Variants in MPPED1 observed in about 807,000 individuals in gnomAD.
The protein encoded by MPPED1 is metallophosphoesterase domain containing 1, also known as metallophosphoesterase domain-containing protein 1.
In MPPED1, 16 loss-of-function variants were observed where a neutral mutation model predicts 36.2. The observed-to-expected ratio is 0.44, with a 90% CI of 0.30 to 0.67. The LOEUF is 0.67. Among genes scored for constraint, MPPED1 ranks in the 30% least tolerant of loss-of-function variants. MPPED1 has a pLI of 0.10. For missense variants in MPPED1, 307 were observed against 453.4 expected, an observed-to-expected ratio of 0.68 and a Z score of 2.93; for synonymous variants, 199 against 191.3, an observed-to-expected ratio of 1.04 and a Z score of -0.33.
At chr22:43,430,549 G>C (rs1456361635) in intron 2 of MPPED1, among the ~76,000 whole-genome samples, 1 of 152,198 alleles carries the variant, frequency 6.6e-6, no homozygotes, top group African/African-American at 2.4e-5. Flanking sequence ...CTGCTGCCAG[G>C]AATCCCATGG....
At chr22:43,464,577 C>T (rs1931096211) in intron 3 of MPPED1, among the ~76,000 whole-genome samples, 1 of 152,074 alleles carries the variant, frequency 6.6e-6, no homozygotes, top group Non-Finnish European at 1.5e-5. Context: ...TAGTGCTCCC[C>T]ACTTTTGTGG....
At chr22:43,421,080 G>A (rs1163163665) in intron 1 of MPPED1, among the ~76,000 whole-genome samples, 4 of 152,212 alleles carry the variant, frequency 2.6e-5, no homozygotes, top group Non-Finnish European at 5.9e-5. Flanking sequence ...GAGCCCAGGC[G>A]GTCTCCCTGC....
At chr22:43,496,370 G>A (rs1932359763) in intron 4 of MPPED1, among the ~76,000 whole-genome samples, 1 of 87,584 alleles carries the variant, frequency 1.1e-5, no homozygotes, top group South Asian at 4.0e-4. Context: ...GGTGGTGGTG[G>A]TGGAGGTAGT....
At chr22:43,483,137 C>T (rs1304920491) in intron 4 of MPPED1, among the ~76,000 whole-genome samples, 1 of 152,220 alleles carries the variant, frequency 6.6e-6, no homozygotes, top group Non-Finnish European at 1.5e-5. Flanking sequence ...GGAGGCCCCA[C>T]CTGGTGTGCA....
At chr22:43,487,384 G>A (rs923245436) in intron 4 of MPPED1, among the ~76,000 whole-genome samples, 1 of 152,206 alleles carries the variant, frequency 6.6e-6, no homozygotes, top group Non-Finnish European at 1.5e-5. Context: ...GATGGTTAAG[G>A]TTGACATGGG....
intron 4 of MPPED1, among the ~76,000 whole-genome samples, chr22:43,497,933 A>ATG (rs1354576050): frequency 2.2e-4 from 23 of 106,912 alleles, no homozygotes; most frequent in African/African-American, 6.7e-4. Flanking sequence ...ATATATGTAT[A>ATG]TGTATATATA....
intron 1 of MPPED1, among the ~76,000 whole-genome samples, chr22:43,413,182 G>A (rs1928965710): frequency 6.6e-6 from 1 of 152,162 alleles, no homozygotes; most frequent in African/African-American, 2.4e-5. Flanking sequence ...CTATTGAATG[G>A]CCCAGAGGAG....
At chr22:43,491,269 G>A (rs1226144962) in intron 4 of MPPED1, among the ~76,000 whole-genome samples, 2 of 152,294 alleles carry the variant, frequency 1.3e-5, no homozygotes, top group East Asian at 3.9e-4. Context: ...TGATATAGGA[G>A]GTGATGGTGA....
intron 3 of MPPED1, among the ~76,000 whole-genome samples, chr22:43,447,999 C>T (rs1454371049): frequency 1.3e-5 from 2 of 150,892 alleles, no homozygotes; most frequent in Non-Finnish European, 3.0e-5. Context: ...CTGCCTCAGC[C>T]TCCCAAGTAG....
At chr22:43,497,624 A>G (rs1210439898) in intron 4 of MPPED1, among the ~76,000 whole-genome samples, 2 of 151,930 alleles carry the variant, frequency 1.3e-5, no homozygotes, top group Non-Finnish European at 2.9e-5. Flanking sequence ...GGAGCAGGCT[A>G]CCAGGCTGGG....
At chr22:43,458,274 A>C (rs1930824245) in intron 3 of MPPED1, among the ~76,000 whole-genome samples, 1 of 151,980 alleles carries the variant, frequency 6.6e-6, no homozygotes, top group South Asian at 2.1e-4. Flanking sequence ...TACAAACAGA[A>C]ATACAATTGT....
chr22:43,424,451 TG>T (rs1227772329), intron 1 of MPPED1, among the ~76,000 whole-genome samples: 2 of 152,046 alleles, frequency 1.3e-5, no homozygotes, highest in Non-Finnish European at 2.9e-5. Context: ...TGGGTGTGTT[TG>T]GGGGTCTGTG....
At chr22:43,437,547 C>T (rs1195266643) in intron 3 of MPPED1, among the ~76,000 whole-genome samples, 1 of 152,048 alleles carries the variant, frequency 6.6e-6, no homozygotes, top group Non-Finnish European at 1.5e-5. Context: ...GTGAAGCCTC[C>T]CTAATTGGAA....
chr22:43,429,527 A>G (rs1929600604), intron 2 of MPPED1, among the ~76,000 whole-genome samples: 3 of 152,170 alleles, frequency 2.0e-5, no homozygotes, highest in Admixed American at 2.0e-4. Context: ...CCTCCTTCAG[A>G]TCTCACCCAG....
At chr22:43,465,428 A>G (rs1455032669) in intron 3 of MPPED1, among the ~76,000 whole-genome samples, 2 of 152,202 alleles carry the variant, frequency 1.3e-5, no homozygotes, top group East Asian at 1.9e-4. Context: ...GGCCCTTGCC[A>G]TGGGTTGTAA....
At chr22:43,436,409 C>G (rs531356971) in intron 3 of MPPED1, among the ~76,000 whole-genome samples, 46 of 152,332 alleles carry the variant, frequency 3.0e-4, no homozygotes, top group African/African-American at 1.0e-3. Flanking sequence ...AGGGCAGCCG[C>G]GGTGAGCCAG....
intron 3 of MPPED1, among the ~76,000 whole-genome samples, chr22:43,449,524 G>A (rs1930489296): frequency 6.6e-6 from 1 of 150,408 alleles, no homozygotes; most frequent in Admixed American, 6.7e-5. Context: ...CCAGATGTGG[G>A]CCCTGTGTGT....
intron 3 of MPPED1, among the ~76,000 whole-genome samples, chr22:43,462,636 A>G (rs6003211): frequency 0.29 from 43,583 of 152,058 alleles, 7,651 homozygotes; most frequent in East Asian, 0.54. Flanking sequence ...TGTGTCCATC[A>G]TAGTTCATCC....
chr22:43,458,459 T>A (rs1474060109), intron 3 of MPPED1, among the ~76,000 whole-genome samples: 1 of 152,104 alleles, frequency 6.6e-6, no homozygotes, highest in Admixed American at 6.6e-5. Context: ...CTAATTTTTA[T>A]ATTTTTAGTA....
Sources: gnomAD v4.1 joint callset for allele counts (sites outside exome capture counted in the v4.1 genomes callset) on GRCh38, gnomAD v4.1.1 for gene constraint, MANE v1.5 for transcripts, NCBI Gene and HGNC (gene_info 2026-07-23, HGNC 2026-07-21) for gene names.